HADH: variants seen among roughly 807,000 people sequenced by gnomAD.
The protein encoded by HADH is hydroxyacyl-coenzyme A dehydrogenase, mitochondrial.
In HADH, 24 loss-of-function variants were observed where a neutral mutation model predicts 32.2. The ratio of observed to expected loss-of-function variants is 0.75; its 90% confidence interval spans 0.54 to 1.05. The LOEUF (loss-of-function observed/expected upper bound fraction) is 1.05, where lower values mean the gene tolerates loss of function less well. HADH is among the 50% of genes least tolerant of loss of function. The pLI is 0.00. For missense variants in HADH, 350 were observed against 397.1 expected (o/e 0.88, Z 1.01); for synonymous variants, 139 against 152.5 (o/e 0.91, Z 0.65).
Position 108,027,721 on chromosome 4 carries a change from G to C in HADH, c.670G>C (p.Val224Leu). The change falls in exon 6 of 8, where the codon GTT becomes CTT. Residue 224 changes from valine to leucine, a missense_variant. Physicochemically the swap from Val to Leu is conservative, Grantham distance 32 (BLOSUM62 1). Transcript: ENST00000309522. Reference sequence around the variant, plus strand: ...TGGGTTTATTGTGAACCGCCTCCTGGTTCCATACCTCATGGAAGCAATCAG... The same window carrying C: ...TGGGTTTATTGTGAACCGCCTCCTGCTTCCATACCTCATGGAAGCAATCAG... ...TPGFIVNRLL[V>L]PYLMEAIRLY... The C allele has an allele frequency of 6.2e-7, 1 of 1,611,004 alleles. No homozygotes were observed. Among genetic ancestry groups the C allele is most frequent in the Non-Finnish European group, 8.5e-7 (1 of 1,177,222 alleles).
At chr4:107,999,851 G>A (rs1735066433) in intron 1 of HADH, among the ~76,000 whole-genome samples, 1 of 152,152 alleles carries the variant, frequency 6.6e-6, no homozygotes, top group African/African-American at 2.4e-5. Flanking sequence ...ACAGATGAAA[G>A]TTATAATAGT....
In HADH at chr4:108,005,045, TTTTCTTTC is replaced by T. The variant is rs955407172; in HGVS notation, c.133-4706_133-4699del. 1.3e-5 allele frequency: 8 copies of T among 613,098 alleles called. 1 individual carries two copies. The South Asian group carries it at 1.5e-4, about 12-fold the overall frequency. 38.0% of individuals were successfully genotyped at this position (613,098 alleles called of 1,614,324 possible). On this transcript the variant is annotated intron_variant, in intron 1 of 7. Coordinates refer to ENST00000309522, the MANE Select transcript of HADH (RefSeq NM_005327.7). ...GTAACTCACCATATATACCTTCTTT[TTTTCTTTC>T]TTTCTTTATTTTCTGTATTGGAAAC...
intron 6 of HADH, chr4:108,027,965 T>C: frequency 1.6e-6 from 1 of 614,580 alleles, no homozygotes; most frequent in East Asian, 2.8e-5. Flanking sequence ...TGTGGGCCTC[T>C]GAGAAAGGTT....
At position 108,034,253 on chromosome 4, in the gene HADH, G is replaced by T. The variant is rs1182766194; in HGVS notation, c.841G>T (p.Asp281Tyr). 2 of 1,608,296 alleles carry T rather than the reference G, an allele frequency of 1.2e-6. No homozygotes were observed. The highest frequency in any genetic ancestry group is 1.7e-6 in the Non-Finnish European group (2 of 1,174,752). ...CCGCTCAATAGGGTGGCATGAAATG[G>T]ATGCAGAGAACCCATTACATCAGCC... ...KFIVDGWHEM[D>Y]AENPLHQPSP... The change falls in exon 8 of 8, where the codon GAT (aspartate) becomes TAT (tyrosine). Residue 281 changes from aspartate to tyrosine, a missense_variant. Transcript: ENST00000309522.
chr4:108,007,116 T>C (rs546827418), intron 1 of HADH, among the ~76,000 whole-genome samples: 16 of 152,254 alleles, frequency 1.1e-4, no homozygotes, highest in African/African-American at 3.6e-4. Flanking sequence ...TGTTTGTTTG[T>C]TTGTTTTTGA....
At chr4:108,000,835 G>T (rs1316697467) in intron 1 of HADH, among the ~76,000 whole-genome samples, 1 of 152,174 alleles carries the variant, frequency 6.6e-6, no homozygotes, top group Admixed American at 6.5e-5. Flanking sequence ...GGCTGGGGAA[G>T]ACTACAGAAT....
intron 2 of HADH, among the ~76,000 whole-genome samples, chr4:108,012,320 T>C (rs1452979826): frequency 6.6e-6 from 1 of 152,238 alleles, no homozygotes; most frequent in African/African-American, 2.4e-5. Context: ...AGATTAATGT[T>C]AGAAATGCTT....
chr4:108,012,087 G>C (rs911472129), intron 2 of HADH, among the ~76,000 whole-genome samples: 1 of 151,904 alleles, frequency 6.6e-6, no homozygotes, highest in Non-Finnish European at 1.5e-5. Context: ...TTTAGAGACA[G>C]AGTTGTACTG....
chr4:108,019,444 G>A (rs1560733705), intron 3 of HADH, 96 bp from the exon 4 acceptor site: 12 of 1,047,212 alleles, frequency 1.1e-5, no homozygotes, highest in East Asian at 4.8e-5. Context: ...AACAGATGTG[G>A]CAGTAAGCAG....
intron 4 of HADH, among the ~76,000 whole-genome samples, chr4:108,021,399 T>C (rs1371131669): frequency 6.6e-6 from 1 of 152,228 alleles, no homozygotes; most frequent in Non-Finnish European, 1.5e-5. Flanking sequence ...TTTGTAAAAG[T>C]GTTCTTCTCT....
Position 107,993,445 on chromosome 4 carries a change from T to TAA in HADH, c.132+3381_132+3382insAA, listed in dbSNP as rs1734870936. ...ATTGAGGTTATGTTACTGATTTTCATTAGCTTAATTTTCTTGAACTTTCTG... is the reference window on the plus strand; with the variant it reads ...ATTGAGGTTATGTTACTGATTTTCATAATAGCTTAATTTTCTTGAACTTTCTG... On this transcript the variant is annotated intron_variant, in intron 1 of 7. Transcript: ENST00000309522. Among the ~76,000 whole-genome samples, 7 of 152,340 alleles carry TAA rather than the reference T, an allele frequency of 4.6e-5. No individual in the cohort carries two copies. In the South Asian group the frequency reaches 1.5e-3, roughly 32 times the overall value.
intron 3 of HADH, among the ~76,000 whole-genome samples, chr4:108,014,884 G>A (rs1202301409): frequency 6.6e-6 from 1 of 152,132 alleles, no homozygotes; most frequent in Non-Finnish European, 1.5e-5. Flanking sequence ...TTATATGTGA[G>A]AACATATGGT....
chr4:107,989,947 C>T lies in HADH; in HGVS notation c.15C>T (p.Thr5=), dbSNP rs1734719512. 1 of 1,612,952 alleles carries T rather than the reference C, an allele frequency of 6.2e-7. No individual in the cohort carries two copies. Among genetic ancestry groups the T allele is most frequent in the Non-Finnish European group, 8.5e-7 (1 of 1,179,648 alleles). The change falls in exon 1 of 8, where the codon ACC becomes ACT. Residue 5 remains threonine, a synonymous_variant. Coordinates refer to ENST00000309522, the MANE Select transcript of HADH (RefSeq NM_005327.7). ...GCTGCCACACCATGGCCTTCGTCAC[C>T]AGGCAGTTCATGCGTTCCGTGTCCT... The part of the protein sequence containing the change: MAFV[T]RQFMRSVSSS...
chr4:108,000,553 G>A (rs1178611042), intron 1 of HADH, among the ~76,000 whole-genome samples: 5 of 152,278 alleles, frequency 3.3e-5, no homozygotes, highest in African/African-American at 7.2e-5. Context: ...TCACACCAGC[G>A]CCACACCCAG....
chr4:108,017,801 G>A (rs1016434433), intron 3 of HADH, among the ~76,000 whole-genome samples: 4 of 152,032 alleles, frequency 2.6e-5, no homozygotes, highest in Non-Finnish European at 4.4e-5. Flanking sequence ...CACCTGCCTC[G>A]GCCTCCTAAA....
At position 108,007,727 on chromosome 4, in the gene HADH, A is replaced by T. The variant is rs183483525; in HGVS notation, c.133-2032A>T. On this transcript the variant is annotated intron_variant, in intron 1 of 7. Transcript: ENST00000309522. ...ATGAACACCAACTCCATGTGGATAGATTAATCAAAGAACATTGGACCTATA... is the reference window on the plus strand; with the variant it reads ...ATGAACACCAACTCCATGTGGATAGTTTAATCAAAGAACATTGGACCTATA... Among the ~76,000 whole-genome samples the T allele has an allele frequency of 9.5e-4, 144 of 152,360 alleles. 3 individuals are homozygous for T. The highest frequency in any genetic ancestry group is 1.2e-4 in the Non-Finnish European group (8 of 68,038).
intron 3 of HADH, among the ~76,000 whole-genome samples, chr4:108,018,243 G>A (rs1735759557): frequency 6.6e-6 from 1 of 152,150 alleles, no homozygotes; most frequent in Admixed American, 6.5e-5. Context: ...CTGTTTTTGT[G>A]GTTCCAGGTG....
At position 107,989,983 on chromosome 4, in the gene HADH, C is replaced by A; in HGVS notation, c.51C>A (p.Thr17=). 1 of 1,612,762 alleles carries A rather than the reference C, an allele frequency of 6.2e-7. No homozygotes were observed. The highest frequency in any genetic ancestry group is 8.5e-7 in the Non-Finnish European group (1 of 1,179,568). Residue 17 remains threonine, a synonymous_variant, in exon 1 of 8, where the codon ACC becomes ACA. Coordinates refer to ENST00000309522, the MANE Select transcript of HADH (RefSeq NM_005327.7). ...QFMRSVSSSS[T]ASASAKKIIV... is the part of the protein sequence containing the mutation. ...TGCGTTCCGTGTCCTCCTCGTCCAC[C>A]GCCTCGGCCTCGGCCAAGAAGATAA...
intron 6 of HADH, 36 bp downstream of exon 6, chr4:108,027,796 C>T: frequency 8.2e-7 from 1 of 1,213,024 alleles, no homozygotes; most frequent in Non-Finnish European, 1.2e-6. Context: ...CAGCAGACCT[C>T]AGCTCCTGGC....
Sources: gnomAD v4.1 joint callset for allele counts (sites outside exome capture counted in the v4.1 genomes callset) on GRCh38, gnomAD v4.1.1 for gene constraint, MANE v1.5 for transcripts, NCBI Gene and HGNC (gene_info 2026-07-23, HGNC 2026-07-21) for gene names.